NCAM1: variants seen among roughly 807,000 people sequenced by gnomAD.
NCAM1 encodes the protein antigen recognized by monoclonal antibody 5.1H11.
NCAM1 carries 14 observed loss-of-function variants against 109.8 expected under a neutral mutation model. The observed-to-expected ratio is 0.13, with a 90% CI of 0.08 to 0.20. NCAM1 has a LOEUF of 0.20. NCAM1 is among the 10% of genes least tolerant of loss of function. The probability of loss-of-function intolerance (pLI) is 1.00; values close to 1 mark genes in which losing one functional copy is unlikely to be tolerated. For missense variants in NCAM1, 774 were observed against 1,109.9 expected (o/e 0.70, Z 4.30); for synonymous variants, 418 against 442.9 (o/e 0.94, Z 0.70).
chr11:112,999,367 GAA>G (rs1173917188), intron 1 of NCAM1, among the ~76,000 whole-genome samples: 3 of 151,972 alleles, frequency 2.0e-5, no homozygotes, highest in Admixed American at 6.6e-5. Context: ...AAGTGCCACT[GAA>G]ACATATCAGT....
intron 17 of NCAM1, among the ~76,000 whole-genome samples, chr11:113,261,927 C>CTGCTGG (rs1555123435): frequency 3.9e-5 from 6 of 152,138 alleles, no homozygotes. Flanking sequence ...CCTTGTCCTC[C>CTGCTGG]AGAGTTGTGC....
chr11:113,030,466 T>C (rs1952681877), intron 1 of NCAM1, among the ~76,000 whole-genome samples: 2 of 152,204 alleles, frequency 1.3e-5, no homozygotes, highest in Admixed American at 1.3e-4. Context: ...TCAAACATGG[T>C]TTCTTCCAGA....
At position 113,182,761 on chromosome 11, in the gene NCAM1, C is replaced by G. The variant is rs542541393; in HGVS notation, c.53-19618C>G. ...TGGAGAGTCGAGCGAGCAGAGCCCC[C>G]GACTGGGGAGCGGGGCTGCAAGAGG... On this transcript the variant is annotated intron_variant, in intron 1 of 19. Coordinates refer to ENST00000316851, the MANE Select transcript of NCAM1 (RefSeq NM_181351.5). Among the ~76,000 whole-genome samples the G allele has an allele frequency of 1.5e-4, 23 of 152,276 alleles. No individual in the cohort carries two copies. The Middle Eastern group carries it at 0.01, about 68-fold the overall frequency.
intron 1 of NCAM1, among the ~76,000 whole-genome samples, chr11:112,998,295 T>TA (rs1442282205): frequency 6.6e-6 from 1 of 152,188 alleles, no homozygotes; most frequent in African/African-American, 2.4e-5. Flanking sequence ...CACATGCCTG[T>TA]AGGACTGGAG....
intron 1 of NCAM1, among the ~76,000 whole-genome samples, chr11:113,026,066 T>C (rs1425153296): frequency 6.6e-6 from 1 of 152,168 alleles, no homozygotes; most frequent in Non-Finnish European, 1.5e-5. Flanking sequence ...GAGCCCTGAA[T>C]TATGAGTTAC....
At chr11:112,973,141 T>A (rs1555067113) in intron 1 of NCAM1, among the ~76,000 whole-genome samples, 1 of 152,168 alleles carries the variant, frequency 6.6e-6, no homozygotes, top group East Asian at 1.9e-4. Flanking sequence ...TAAAAAATGT[T>A]TCTATAGCAA....
chr11:112,964,114 G>GTA (rs1357859272), intron 1 of NCAM1, among the ~76,000 whole-genome samples: 2 of 143,470 alleles, frequency 1.4e-5, no homozygotes, highest in South Asian at 2.2e-4. Flanking sequence ...ATATACATAT[G>GTA]TATATATATC....
At position 113,195,795 on chromosome 11, in the gene NCAM1, C is replaced by G. The variant is rs559717243; in HGVS notation, c.53-6584C>G. Among the ~76,000 whole-genome samples, 3 of 151,966 alleles carry G rather than the reference C, an allele frequency of 2.0e-5. No individual in the cohort carries two copies. In the South Asian group the frequency reaches 6.2e-4, roughly 32 times the overall value. Reference sequence around the variant, plus strand: ...TGCTGGAACTACAGGTGTGAGCCACCGCGCCTGGCCACCCCTTAGTAGATT... The same window carrying G: ...TGCTGGAACTACAGGTGTGAGCCACGGCGCCTGGCCACCCCTTAGTAGATT... On this transcript the variant is annotated intron_variant, in intron 1 of 19. Coordinates refer to ENST00000316851, the MANE Select transcript of NCAM1 (RefSeq NM_181351.5).
At chr11:113,095,722 G>T (rs1555090263) in intron 1 of NCAM1, among the ~76,000 whole-genome samples, 1 of 152,200 alleles carries the variant, frequency 6.6e-6, no homozygotes, top group Non-Finnish European at 1.5e-5. Context: ...TACAGATGAA[G>T]AAACTGGGTC....
Position 113,092,720 on chromosome 11 carries a change from G to A in NCAM1, c.53-109659G>A, listed in dbSNP as rs116211860. On this transcript the variant is annotated intron_variant, in intron 1 of 19. Coordinates refer to ENST00000316851, the MANE Select transcript of NCAM1 (RefSeq NM_181351.5). ...AGGGCTACAGAATCAAGATTGTATG[G>A]ACTAGGTGTAGAACTGCTTTTTTAT... Among the ~76,000 whole-genome samples, 1,446 of 152,234 alleles carry A rather than the reference G, an allele frequency of 9.5e-3. 25 individuals are homozygous for A. The highest frequency in any genetic ancestry group is 0.033 in the African/African-American group (1,379 of 41,538).
At chr11:113,037,563 G>C (rs1952933416) in intron 1 of NCAM1, among the ~76,000 whole-genome samples, 1 of 152,180 alleles carries the variant, frequency 6.6e-6, no homozygotes, top group Non-Finnish European at 1.5e-5. Context: ...CTGTTATATA[G>C]GAGTTCATTT....
At position 113,157,205 on chromosome 11, in the gene NCAM1, C is replaced by A. The variant is rs549961624; in HGVS notation, c.53-45174C>A. Among the ~76,000 whole-genome samples the A allele has an allele frequency of 4.4e-4, 67 of 151,962 alleles. 2 individuals carry two copies. The South Asian group carries it at 9.8e-3, about 22-fold the overall frequency. On this transcript the variant is annotated intron_variant, in intron 1 of 19. Coordinates refer to ENST00000316851, the MANE Select transcript of NCAM1 (RefSeq NM_181351.5). ...GCATGTTCTGCTTAAAAAGCTGAGG[C>A]ACACAGCATGTCGTTTGCACTGTTG...
intron 1 of NCAM1, among the ~76,000 whole-genome samples, chr11:113,108,979 G>A: frequency 6.6e-6 from 1 of 150,518 alleles, no homozygotes; most frequent in South Asian, 2.1e-4. Context: ...CACCTGCCTT[G>A]GCCTCCCAAA....
At chr11:113,231,436 A>G (rs1945002518) in intron 9 of NCAM1, 3 of 934,810 alleles carry the variant, frequency 3.2e-6, no homozygotes, top group Middle Eastern at 3.3e-4. Flanking sequence ...TGTTTCGGAT[A>G]CTCCCAGGTT....
chr11:113,117,566 A>T (rs1367339663), intron 1 of NCAM1, among the ~76,000 whole-genome samples: 1 of 152,046 alleles, frequency 6.6e-6, no homozygotes, highest in Non-Finnish European at 1.5e-5. Flanking sequence ...GTGACCATCC[A>T]GAAATGTCTT....
chr11:113,112,733 C>T (rs1940500318), intron 1 of NCAM1, among the ~76,000 whole-genome samples: 2 of 152,200 alleles, frequency 1.3e-5, no homozygotes, highest in Non-Finnish European at 1.5e-5. Flanking sequence ...TTAACACATT[C>T]TCTGCCTCTT....
At chr11:113,173,192 A>G in intron 1 of NCAM1, among the ~76,000 whole-genome samples, 1 of 152,146 alleles carries the variant, frequency 6.6e-6, no homozygotes, top group East Asian at 1.9e-4. Context: ...AGTTGAGGGG[A>G]AAAAAGAAGG....
At chr11:113,217,774 T>C (rs1452440127) in intron 8 of NCAM1, among the ~76,000 whole-genome samples, 1 of 152,218 alleles carries the variant, frequency 6.6e-6, no homozygotes, top group Non-Finnish European at 1.5e-5. Flanking sequence ...AAAATTGCAT[T>C]TTGTTTGTTG....
intron 16 of NCAM1, among the ~76,000 whole-genome samples, chr11:113,258,766 A>C (rs1555122715): frequency 1.3e-5 from 2 of 152,260 alleles, no homozygotes; most frequent in African/African-American, 4.8e-5. Context: ...GAAAATCTGT[A>C]TAGCTATTTT....
Sources: allele counts gnomAD v4.1 joint callset (sites outside exome capture counted in the v4.1 genomes callset), GRCh38; gene constraint gnomAD v4.1.1; transcripts MANE v1.5; gene names NCBI Gene and HGNC (gene_info 2026-07-23, HGNC 2026-07-21).